LAMA2: variants seen among roughly 807,000 people sequenced by gnomAD.
LAMA2 encodes the protein laminin subunit alpha 2, also known as laminin subunit alpha-2.
LAMA2 carries 269 observed loss-of-function variants against 364.8 expected under a neutral mutation model. That is an observed-to-expected ratio of 0.74 (90% CI 0.67 to 0.82). The LOEUF is 0.82. Ranked by LOEUF, LAMA2 falls within the 40% of genes least tolerant of loss-of-function variation. The pLI is 0.00. For synonymous variants in LAMA2, 1,379 were observed against 1,370.6 expected, an observed-to-expected ratio of 1.01 and a Z score of -0.14; for missense variants, 3,807 against 3,873.2, an observed-to-expected ratio of 0.98 and a Z score of 0.45.
intron 1 of LAMA2, among the ~76,000 whole-genome samples, chr6:128,979,516 C>T (rs779337778): frequency 1.3e-5 from 2 of 152,124 alleles, no homozygotes; most frequent in Non-Finnish European, 2.9e-5. Flanking sequence ...AATGAAATGC[C>T]AGTAACTAGG....
intron 4 of LAMA2, among the ~76,000 whole-genome samples, chr6:129,116,295 A>G (rs1776477828): frequency 6.6e-6 from 1 of 152,112 alleles, no homozygotes; most frequent in South Asian, 2.1e-4. Context: ...TGCAATGTGC[A>G]ATGTTGTTCG....
intron 61 of LAMA2, among the ~76,000 whole-genome samples, chr6:129,506,601 AG>A (rs1403142111): frequency 2.0e-5 from 3 of 152,074 alleles, no homozygotes; most frequent in Non-Finnish European, 4.4e-5. Context: ...CGTGTATCCT[AG>A]TTTGCTTTGG....
At chr6:129,199,167 A>T (rs1752929354) in intron 12 of LAMA2, among the ~76,000 whole-genome samples, 1 of 152,180 alleles carries the variant, frequency 6.6e-6, no homozygotes, top group African/African-American at 2.4e-5. Context: ...GGCCAAGTGG[A>T]TTTTATCATC....
At position 129,289,632 on chromosome 6, in the gene LAMA2, GATTATTTTATTATGGTAATTAATT is replaced by G. The variant is rs1317338053; in HGVS notation, c.2749+1602_2749+1625del. On this transcript the variant is annotated intron_variant, in intron 19 of 64. Coordinates refer to ENST00000421865, the MANE Select transcript of LAMA2 (RefSeq NM_000426.4). ...ATTTTATTATGGTAATTTATTGTGG[GATTATTTTATTATGGTAATTAATT>G]ATTATTTTATTATGGTAATTAATTA... Among the ~76,000 whole-genome samples, 33 of 151,944 alleles carry G rather than the reference GATTATTTTATTATGGTAATTAATT, an allele frequency of 2.2e-4. 1 individual carries two copies. The highest frequency in any genetic ancestry group is 7.2e-4 in the African/African-American group (30 of 41,414).
At chr6:129,473,411 C>T in intron 52 of LAMA2, 59 bp downstream of exon 52, 3 of 1,496,274 alleles carry the variant, frequency 2.0e-6, no homozygotes, top group East Asian at 2.3e-5. Context: ...CCACTATGCT[C>T]ACTAGAGTTC....
chr6:129,008,877 G>A (rs1582863710), intron 1 of LAMA2, among the ~76,000 whole-genome samples: 1 of 152,010 alleles, frequency 6.6e-6, no homozygotes, highest in African/African-American at 2.4e-5. Context: ...AACATTTTAG[G>A]GACCACAAAT....
Position 129,383,191 on chromosome 6 carries a change from T to C in LAMA2, c.5029T>C (p.Ser1677Pro). The C allele has an allele frequency of 6.2e-7, 1 of 1,613,730 alleles. No individual in the cohort carries two copies. Among genetic ancestry groups the C allele is most frequent in the Non-Finnish European group, 8.5e-7 (1 of 1,179,888 alleles). The change falls in exon 35 of 65, where the codon TCC (serine) becomes CCC (proline). Residue 1677 changes from serine (S) to proline (P), a missense_variant. Ser to Pro is a moderately conservative substitution (Grantham distance 74). Transcript: ENST00000421865. ...TGAGAGGACCAACACAAGAGCAAAG[T>C]CCCTGGGAGAATTCATTAAGGAGCT... is the stretch of plus-strand genomic sequence containing the variant. ...DAERTNTRAK[S>P]LGEFIKELAR...
At chr6:129,304,966 A>G (rs976490673) in intron 22 of LAMA2, among the ~76,000 whole-genome samples, 8 of 152,164 alleles carry the variant, frequency 5.3e-5, no homozygotes, top group Non-Finnish European at 1.0e-4. Context: ...GAAAACTTCT[A>G]TATAGGTCAA....
At chr6:129,511,440 G>C (rs531825808) in intron 62 of LAMA2, among the ~76,000 whole-genome samples, 1 of 152,122 alleles carries the variant, frequency 6.6e-6, no homozygotes, top group East Asian at 1.9e-4. Flanking sequence ...AGGCGCAACT[G>C]GCTAGCTTTT....
At chr6:129,484,885 C>T (rs995802545) in intron 55 of LAMA2, among the ~76,000 whole-genome samples, 1 of 152,100 alleles carries the variant, frequency 6.6e-6, no homozygotes, top group African/African-American at 2.4e-5. Flanking sequence ...GGTAGATTTA[C>T]AGGTATTCAT....
At chr6:129,125,311 A>C (rs866627915) in intron 4 of LAMA2, among the ~76,000 whole-genome samples, 1 of 152,242 alleles carries the variant, frequency 6.6e-6, no homozygotes, top group African/African-American at 2.4e-5. Context: ...GATAGTGTAT[A>C]GTATTCTGGA....
At chr6:128,970,875 T>A (rs960694691) in intron 1 of LAMA2, among the ~76,000 whole-genome samples, 22 of 152,200 alleles carry the variant, frequency 1.4e-4, no homozygotes, top group Admixed American at 1.4e-3. Context: ...TACATGTGTC[T>A]CTAGTGAGAG....
intron 37 of LAMA2, among the ~76,000 whole-genome samples, chr6:129,400,535 T>C (rs1779910256): frequency 6.6e-6 from 1 of 152,176 alleles, no homozygotes; most frequent in Admixed American, 6.5e-5. Context: ...ATTTCAGGAA[T>C]AGGAATGAAT....
At chr6:129,100,271 C>T (rs920376023) in intron 4 of LAMA2, among the ~76,000 whole-genome samples, 30 of 152,104 alleles carry the variant, frequency 2.0e-4, no homozygotes, top group African/African-American at 7.2e-4. Context: ...CACTCCTAAA[C>T]AACACTTACT....
intron 4 of LAMA2, among the ~76,000 whole-genome samples, chr6:129,131,428 A>G (rs551582016): frequency 1.7e-3 from 257 of 152,340 alleles, no homozygotes; most frequent in African/African-American, 5.9e-3. Context: ...CCAGCTAACC[A>G]TCAACACAAG....
intron 29 of LAMA2, among the ~76,000 whole-genome samples, chr6:129,338,181 A>G (rs567628029): frequency 6.6e-6 from 1 of 152,346 alleles, no homozygotes; most frequent in African/African-American, 2.4e-5. Context: ...ATTGGCTTTA[A>G]GGATTTTAAT....
intron 3 of LAMA2, among the ~76,000 whole-genome samples, chr6:129,069,395 T>A (rs1773155191): frequency 6.7e-6 from 1 of 148,300 alleles, no homozygotes; most frequent in Non-Finnish European, 1.5e-5. Flanking sequence ...TTATATATAT[T>A]ATATATAACT....
intron 53 of LAMA2, among the ~76,000 whole-genome samples, chr6:129,477,066 T>TA (rs1784102457): frequency 6.6e-6 from 1 of 152,136 alleles, no homozygotes; most frequent in Non-Finnish European, 1.5e-5. Flanking sequence ...TCAACTACAA[T>TA]ATATTGATGC....
chr6:129,339,514 G>C (rs1776139250), intron 29 of LAMA2, among the ~76,000 whole-genome samples: 2 of 152,184 alleles, frequency 1.3e-5, no homozygotes, highest in Non-Finnish European at 2.9e-5. Flanking sequence ...AAAATACAGA[G>C]TTTTGGGCAC....
Sources: allele counts gnomAD v4.1 joint callset (sites outside exome capture counted in the v4.1 genomes callset), GRCh38; gene constraint gnomAD v4.1.1; transcripts MANE v1.5; gene names NCBI Gene and HGNC (gene_info 2026-07-23, HGNC 2026-07-21).